CSMD1: variants seen among roughly 807,000 people sequenced by gnomAD.
CSMD1 encodes the protein CUB and Sushi multiple domains 1.
A neutral mutation model predicts 417.5 loss-of-function variants in CSMD1; 213 were observed. The observed-to-expected ratio is 0.51, with a 90% CI of 0.46 to 0.57. The LOEUF (loss-of-function observed/expected upper bound fraction) is 0.57, where lower values mean the gene tolerates loss of function less well. Ranked by LOEUF, CSMD1 falls within the 20% of genes least tolerant of loss-of-function variation. The pLI, the probability that CSMD1 is intolerant of heterozygous loss-of-function variation, is 0.00. For synonymous variants in CSMD1, 2,862 were observed against 1,736.8 expected, an observed-to-expected ratio of 1.65 and a Z score of -16.11; for missense variants, 6,923 against 4,529.7, an observed-to-expected ratio of 1.53 and a Z score of -15.17.
At chr8:3,556,415 T>TATATATATATATACATACATA (rs1799148435) in intron 10 of CSMD1, among the ~76,000 whole-genome samples, 35 of 57,112 alleles carry the variant, frequency 6.1e-4, no homozygotes, top group African/African-American at 1.9e-3. Flanking sequence ...ATATATATAT[T>TATATATATATATACATACATA]CACACACACA....
Position 4,064,413 on chromosome 8 carries a change from A to G in CSMD1, c.416-32314T>C, listed in dbSNP as rs990328605. Among the ~76,000 whole-genome samples, 8 of 152,202 alleles carry G rather than the reference A, an allele frequency of 5.3e-5. No individual in the cohort carries two copies. The South Asian group carries it at 8.3e-4, about 16-fold the overall frequency. ...TCCCTCAATGTTGAGAAGGTAGAGA[A>G]TAAGTAAGCTTCTGCGGGCTTTGCC... On this transcript the variant is annotated intron_variant, in intron 3 of 69. Transcript: ENST00000635120.
intron 26 of CSMD1, among the ~76,000 whole-genome samples, chr8:3,275,564 G>A (rs79726722): frequency 0.014 from 2,149 of 152,238 alleles, 41 homozygotes; most frequent in African/African-American, 0.048. Flanking sequence ...TTTCAGGTAC[G>A]ACAATCAGAC....
chr8:4,401,722 C>G (rs948716795), intron 3 of CSMD1, among the ~76,000 whole-genome samples: 11 of 152,086 alleles, frequency 7.2e-5, no homozygotes, highest in African/African-American at 2.2e-4. Flanking sequence ...TTTGAGAATT[C>G]CCTTAACATT....
At position 3,530,880 on chromosome 8, in the gene CSMD1, T is replaced by C. The variant is rs75621452; in HGVS notation, c.1345-37154A>G. ...CTTTTTCCTATTTTTTTTTTTAAGA[T>C]GGAGTCTCATTCTGTCATCCAGACT... On this transcript the variant is annotated intron_variant, in intron 10 of 69. Coordinates refer to ENST00000635120, the MANE Select transcript of CSMD1 (RefSeq NM_033225.6). 6.1e-4 allele frequency among the ~76,000 whole-genome samples: 92 copies of C among 150,164 alleles called. 2 individuals carry two copies. In the East Asian group the frequency reaches 0.016, roughly 27 times the overall value.
At chr8:4,186,543 T>C (rs1224853867) in intron 3 of CSMD1, among the ~76,000 whole-genome samples, 1 of 152,158 alleles carries the variant, frequency 6.6e-6, no homozygotes, top group East Asian at 1.9e-4. Flanking sequence ...CACAGCATTA[T>C]ACGAATATAA....
chr8:4,863,958 G>C (rs536743635), intron 1 of CSMD1, among the ~76,000 whole-genome samples: 1 of 151,976 alleles, frequency 6.6e-6, no homozygotes, highest in South Asian at 2.1e-4. Flanking sequence ...TAAATGTCAA[G>C]ACATGATTGA....
In CSMD1 at chr8:4,190,953, T is replaced by TG. The variant is rs1554488128; in HGVS notation, c.416-158855dup. Among the ~76,000 whole-genome samples the TG allele has an allele frequency of 3.8e-3, 447 of 116,680 alleles. 3 individuals carry two copies. The highest frequency in any genetic ancestry group is 0.012 in the African/African-American group (333 of 28,550). 76.5% of individuals were successfully genotyped at this position (116,680 alleles called of 152,430 possible). On this transcript the variant is annotated intron_variant, in intron 3 of 69. Transcript: ENST00000635120. Reference sequence around the variant, plus strand: ...ACACAAACTGCGGCTCAGTGGAGAGTGGGGGGGGCGGGGAAGGGAGAGGAT... The same window carrying TG: ...ACACAAACTGCGGCTCAGTGGAGAGTGGGGGGGGGCGGGGAAGGGAGAGGAT...
intron 10 of CSMD1, among the ~76,000 whole-genome samples, chr8:3,513,483 C>T (rs992047790): frequency 1.3e-5 from 2 of 151,952 alleles, no homozygotes; most frequent in African/African-American, 4.8e-5. Context: ...GTTGTGGGAT[C>T]TCACCTTGTG....
chr8:4,472,945 C>A (rs1002767282), intron 2 of CSMD1, among the ~76,000 whole-genome samples: 18 of 151,818 alleles, frequency 1.2e-4, no homozygotes, highest in Non-Finnish European at 2.4e-4. Context: ...CTATGTAAAT[C>A]TACAGTAACA....
intron 3 of CSMD1, among the ~76,000 whole-genome samples, chr8:4,072,749 T>A (rs1387855177): frequency 6.6e-6 from 1 of 152,198 alleles, no homozygotes; most frequent in Non-Finnish European, 1.5e-5. Flanking sequence ...TTTGCCTTAC[T>A]CTCTGCAATT....
intron 3 of CSMD1, among the ~76,000 whole-genome samples, chr8:4,338,673 T>C (rs1374198670): frequency 1.3e-5 from 2 of 152,122 alleles, no homozygotes; most frequent in Non-Finnish European, 2.9e-5. Context: ...GAGTCAGAAA[T>C]AGAAGCCACA....
At chr8:4,896,454 A>G (rs1462117221) in intron 1 of CSMD1, among the ~76,000 whole-genome samples, 1 of 152,062 alleles carries the variant, frequency 6.6e-6, no homozygotes, top group Non-Finnish European at 1.5e-5. Context: ...ATCTACCAGG[A>G]AAATGTTGAA....
At chr8:3,229,310 A>C (rs1284799726) in intron 27 of CSMD1, among the ~76,000 whole-genome samples, 1 of 152,236 alleles carries the variant, frequency 6.6e-6, no homozygotes, top group Non-Finnish European at 1.5e-5. Context: ...AATAAAGTTC[A>C]GTAGTTTCTT....
At chr8:4,505,595 C>G (rs1379446543) in intron 2 of CSMD1, among the ~76,000 whole-genome samples, 1 of 152,016 alleles carries the variant, frequency 6.6e-6, no homozygotes, top group Non-Finnish European at 1.5e-5. Context: ...AATAACTTAG[C>G]CTTGTGCTTT....
At chr8:4,209,801 C>G (rs1346929088) in intron 3 of CSMD1, among the ~76,000 whole-genome samples, 2 of 152,178 alleles carry the variant, frequency 1.3e-5, no homozygotes, top group Non-Finnish European at 2.9e-5. Flanking sequence ...AGAGGCTGTT[C>G]TACACTCATA....
chr8:4,450,797 T>A (rs1407241619), intron 2 of CSMD1, among the ~76,000 whole-genome samples: 2 of 152,190 alleles, frequency 1.3e-5, no homozygotes, highest in Non-Finnish European at 2.9e-5. Context: ...CATTTTGCTT[T>A]CATTTACGAG....
chr8:3,193,198 T>G (rs1307658968), intron 33 of CSMD1, among the ~76,000 whole-genome samples: 2 of 152,176 alleles, frequency 1.3e-5, no homozygotes, highest in African/African-American at 2.4e-5. Context: ...CTTTCCAAGT[T>G]CCCAAAATGA....
chr8:4,685,163 A>G (rs1296109712), intron 1 of CSMD1, among the ~76,000 whole-genome samples: 1 of 152,272 alleles, frequency 6.6e-6, no homozygotes, highest in Non-Finnish European at 1.5e-5. Context: ...GTAAACAAAC[A>G]TAATGGACAA....
At chr8:2,990,142 G>C (rs1283953350) in intron 54 of CSMD1, among the ~76,000 whole-genome samples, 1 of 152,188 alleles carries the variant, frequency 6.6e-6, no homozygotes, top group Non-Finnish European at 1.5e-5. Context: ...TTTATTTTCT[G>C]TCACACAAGG....
Sources: gnomAD v4.1 joint callset for allele counts (sites outside exome capture counted in the v4.1 genomes callset) on GRCh38, gnomAD v4.1.1 for gene constraint, MANE v1.5 for transcripts, NCBI Gene and HGNC (gene_info 2026-07-23, HGNC 2026-07-21) for gene names.